The following CSMD3 variants were observed in gnomAD, a reference collection of about 807,000 sequenced individuals.
CSMD3 encodes CUB and Sushi multiple domains 3.
A neutral mutation model predicts 435.2 loss-of-function variants in CSMD3; 177 were observed. The ratio of observed to expected loss-of-function variants is 0.41; its 90% CI spans 0.36 to 0.46. The LOEUF is 0.46. Ranked by LOEUF, CSMD3 falls within the 20% of genes least tolerant of loss-of-function variation. The pLI, the probability that CSMD3 is intolerant of heterozygous loss-of-function variation, is 0.34. For synonymous variants in CSMD3, 1,656 were observed against 1,520.5 expected (o/e 1.09, Z -2.07); for missense variants, 4,265 against 4,504.6 (o/e 0.95, Z 1.52).
chr8:112,467,408 C>G (rs1818068521), intron 32 of CSMD3, among the ~76,000 whole-genome samples: 2 of 152,082 alleles, frequency 1.3e-5, no homozygotes, highest in Admixed American at 1.3e-4. Context: ...TACTGGATAT[C>G]CTCAGGATGT....
At chr8:112,612,709 C>CTTTTTTTTT (rs532290154) in intron 22 of CSMD3, among the ~76,000 whole-genome samples, 20 of 65,886 alleles carry the variant, frequency 3.0e-4, no homozygotes, top group Admixed American at 6.9e-4. Context: ...TTTCTTTGTT[C>CTTTTTTTTT]TTTTTTTTTT....
intron 65 of CSMD3, among the ~76,000 whole-genome samples, chr8:112,243,392 G>C (rs1230011944): frequency 6.6e-6 from 1 of 152,056 alleles, no homozygotes; most frequent in Non-Finnish European, 1.5e-5. Context: ...AATGGATTTT[G>C]TTGATGACCT....
intron 10 of CSMD3, among the ~76,000 whole-genome samples, chr8:112,882,533 C>T (rs1330057634): frequency 6.6e-6 from 1 of 151,964 alleles, no homozygotes; most frequent in East Asian, 1.9e-4. Flanking sequence ...CTCTTTTCCC[C>T]TCCTTCCCAC....
chr8:113,019,207 A>C (rs1329024571), intron 5 of CSMD3, 28 bp from the exon 6 acceptor site: 26 of 1,488,586 alleles, frequency 1.7e-5, no homozygotes, highest in Non-Finnish European at 2.3e-5. Context: ...ACAACAAAAA[A>C]ATTTAAAAAG....
chr8:112,693,487 A>T (rs1260684129), intron 13 of CSMD3, among the ~76,000 whole-genome samples: 2 of 152,024 alleles, frequency 1.3e-5, no homozygotes, highest in African/African-American at 4.8e-5. Flanking sequence ...CCTCTAGTCT[A>T]TTATCCATCC....
intron 9 of CSMD3, among the ~76,000 whole-genome samples, chr8:112,941,954 T>G (rs529659012): frequency 1.4e-3 from 216 of 150,832 alleles, no homozygotes; most frequent in African/African-American, 5.1e-3. Context: ...TTAAAATATT[T>G]TATTAATTAA....
chr8:112,292,611 T>C lies in CSMD3; in HGVS notation c.8714A>G (p.Tyr2905Cys). ...DVVTFSCNIG[Y>C]LMQGPTKAQC... ...TGCCTTTGTTGGCCCTTGCATAAGA[T>C]ACCCAATATTGCATGAGAATGTTAC... Residue 2905 changes from tyrosine (Y) to cysteine (C), a missense_variant, in exon 55 of 71, where the codon TAT becomes TGT. Tyr to Cys is a radical substitution (Grantham distance 194). Coordinates refer to ENST00000297405, the MANE Select transcript of CSMD3 (RefSeq NM_198123.2). 4 of 1,613,830 alleles carry C rather than the reference T, an allele frequency of 2.5e-6. No individual in the cohort carries two copies. Among genetic ancestry groups the C allele is most frequent in the Non-Finnish European group, 3.4e-6 (4 of 1,179,766 alleles).
chr8:113,121,227 T>C (rs1362731757), intron 4 of CSMD3, among the ~76,000 whole-genome samples: 1 of 152,020 alleles, frequency 6.6e-6, no homozygotes, highest in East Asian at 1.9e-4. Flanking sequence ...AACCAAAAGA[T>C]TGACACCAGA....
chr8:112,370,023 G>GGAAGAGGAAGAAGAAGAAGAA (rs1554658405), intron 38 of CSMD3, among the ~76,000 whole-genome samples: 7 of 66,592 alleles, frequency 1.1e-4, no homozygotes, highest in African/African-American at 4.5e-4. Context: ...AAGAAGAAGA[G>GGAAGAGGAAGAAGAAGAAGAA]GAAGAAGAAG....
At chr8:113,230,857 A>G (rs1247658350) in intron 3 of CSMD3, among the ~76,000 whole-genome samples, 1 of 151,530 alleles carries the variant, frequency 6.6e-6, no homozygotes, top group Non-Finnish European at 1.5e-5. Flanking sequence ...ATACTTTTTT[A>G]TATGGACATA....
chr8:112,393,614 T>C (rs2129786054), intron 35 of CSMD3, among the ~76,000 whole-genome samples: 1 of 152,330 alleles, frequency 6.6e-6, no homozygotes, highest in South Asian at 2.1e-4. Context: ...TTTTCTTCCA[T>C]GCTGCTACAG....
chr8:112,574,635 C>T (rs1829795997), intron 23 of CSMD3, among the ~76,000 whole-genome samples: 1 of 151,962 alleles, frequency 6.6e-6, no homozygotes, highest in African/African-American at 2.4e-5. Context: ...GCATTCTCAA[C>T]ATAATCATTA....
chr8:112,385,596 T>C (rs532317240), intron 36 of CSMD3, among the ~76,000 whole-genome samples: 3 of 152,320 alleles, frequency 2.0e-5, no homozygotes, highest in South Asian at 4.1e-4. Flanking sequence ...TTTCAATATG[T>C]ATTGCAGTAA....
intron 20 of CSMD3, among the ~76,000 whole-genome samples, 164 bp from the exon 21 acceptor site, chr8:112,639,075 G>T (rs547920788): frequency 2.0e-3 from 307 of 151,984 alleles, no homozygotes; most frequent in African/African-American, 7.2e-3. Flanking sequence ...TATTCTTTTT[G>T]TGTGTGTTTT....
At position 112,290,998 on chromosome 8, in the gene CSMD3, C is replaced by T. The variant is rs529956241; in HGVS notation, c.8974+512G>A. 1.1e-3 allele frequency among the ~76,000 whole-genome samples: 166 copies of T among 152,058 alleles called. 1 individual carries two copies. Among genetic ancestry groups the T allele is most frequent in the Middle Eastern group, 6.8e-3 (2 of 292 alleles). On this transcript the variant is annotated intron_variant, in intron 56 of 70. Transcript: ENST00000297405. Reference sequence around the variant, plus strand: ...CTATCATAACATATAACAAAATGCACTTATTAGATATTCACTGACTAGAAA... The same window carrying T: ...CTATCATAACATATAACAAAATGCATTTATTAGATATTCACTGACTAGAAA...
At chr8:113,352,072 T>A (rs2094193769) in intron 1 of CSMD3, among the ~76,000 whole-genome samples, 1 of 152,152 alleles carries the variant, frequency 6.6e-6, no homozygotes, top group South Asian at 2.1e-4. Flanking sequence ...TCAGGATTAT[T>A]TCTTGTCATT....
intron 13 of CSMD3, among the ~76,000 whole-genome samples, chr8:112,756,392 T>C (rs1287434507): frequency 6.6e-6 from 1 of 152,050 alleles, no homozygotes; most frequent in Non-Finnish European, 1.5e-5. Flanking sequence ...TTTTAAAGAG[T>C]AGCTCCTTAC....
intron 20 of CSMD3, among the ~76,000 whole-genome samples, chr8:112,641,645 T>C (rs149184673): frequency 1.4e-3 from 218 of 152,108 alleles, no homozygotes; most frequent in African/African-American, 5.0e-3. Context: ...GAGATCAGCT[T>C]GGGAAACATG....
chr8:112,586,245 G>A (rs923024001), intron 23 of CSMD3, among the ~76,000 whole-genome samples: 3 of 151,088 alleles, frequency 2.0e-5, no homozygotes, highest in African/African-American at 4.8e-5. Context: ...TTCAAGATTT[G>A]TGAAAACAGA....
Sources: gnomAD v4.1 joint callset for allele counts (sites outside exome capture counted in the v4.1 genomes callset) on GRCh38, gnomAD v4.1.1 for gene constraint, MANE v1.5 for transcripts, NCBI Gene and HGNC (gene_info 2026-07-23, HGNC 2026-07-21) for gene names.